The following CACNA1C variants were observed in gnomAD, a reference collection of about 807,000 sequenced individuals.
The protein encoded by CACNA1C is voltage-dependent L-type calcium channel subunit alpha-1C.
CACNA1C carries 30 observed loss-of-function variants against 229.0 expected under a neutral mutation model. The ratio of observed to expected loss-of-function variants is 0.13; its 90% CI spans 0.10 to 0.18. CACNA1C has a LOEUF of 0.18. Ranked by LOEUF, CACNA1C falls within the 10% of genes least tolerant of loss-of-function variation. The pLI is 1.00. For missense variants in CACNA1C, 1,658 were observed against 2,845.0 expected (o/e 0.58, Z 9.49); for synonymous variants, 1,114 against 1,132.5 (o/e 0.98, Z 0.33).
At position 2,666,585 on chromosome 12, in the gene CACNA1C, C is replaced by G. The variant is rs1476034825; in HGVS notation, c.4527-101C>G. On this transcript the variant is annotated intron_variant, in intron 36 of 46. Transcript: ENST00000399655. This position sits in a 1 kb window ranked among gnomAD's most constrained non-coding sequence, Gnocchi z 5.3. ...AGGGCTACCACACTGTGCAGTGTTG[C>G]CCATATGAGTGGGCCCTACCCCTCA... 1 of 680,362 alleles carries G rather than the reference C, an allele frequency of 1.5e-6. No homozygotes were observed. The highest frequency in any genetic ancestry group is 2.7e-6 in the Non-Finnish European group (1 of 376,892). 42.1% of individuals were successfully genotyped at this position (680,362 alleles called of 1,614,324 possible).
chr12:2,120,812 G>T (rs1189019766), intron 3 of CACNA1C, among the ~76,000 whole-genome samples: 1 of 152,064 alleles, frequency 6.6e-6, no homozygotes, highest in African/African-American at 2.4e-5. Context: ...GAATGTCTTT[G>T]TTCCATTGGT....
At chr12:2,412,076 T>C (rs989238610) in intron 3 of CACNA1C, among the ~76,000 whole-genome samples, 5 of 144,092 alleles carry the variant, frequency 3.5e-5, no homozygotes, top group African/African-American at 1.0e-4. Flanking sequence ...GCCCCCCCCA[T>C]GCCCACCTGC....
intron 1 of CACNA1C, among the ~76,000 whole-genome samples, chr12:2,098,908 C>T (rs753871628): frequency 2.6e-4 from 40 of 152,182 alleles, no homozygotes; most frequent in Non-Finnish European, 5.3e-4. Flanking sequence ...CTCAGTTTTA[C>T]AGATGGGGAC....
At chr12:2,172,975 A>T (rs528163522) in intron 3 of CACNA1C, among the ~76,000 whole-genome samples, 7 of 152,170 alleles carry the variant, frequency 4.6e-5, no homozygotes, top group Non-Finnish European at 1.0e-4. Context: ...TGAGTTCTGA[A>T]TGGCAGGGAC....
intron 1 of CACNA1C, among the ~76,000 whole-genome samples, chr12:2,101,267 C>A (rs1306203669): frequency 6.6e-6 from 1 of 152,152 alleles, no homozygotes; most frequent in East Asian, 1.9e-4. Context: ...AGGCGCAGAG[C>A]TTTGCCAGAC....
intron 3 of CACNA1C, among the ~76,000 whole-genome samples, chr12:2,448,597 T>G (rs2099322388): frequency 6.6e-6 from 1 of 152,112 alleles, no homozygotes; most frequent in Non-Finnish European, 1.5e-5. Flanking sequence ...TTTATCCCCT[T>G]CTCTTTTGGC....
At chr12:2,249,957 C>T (rs1212420308) in intron 3 of CACNA1C, among the ~76,000 whole-genome samples, 7 of 152,200 alleles carry the variant, frequency 4.6e-5, no homozygotes, top group East Asian at 1.9e-4. Context: ...TACAGGCGCC[C>T]GCCACCACGC....
chr12:2,436,230 T>G (rs935152828), intron 3 of CACNA1C, among the ~76,000 whole-genome samples: 1 of 152,234 alleles, frequency 6.6e-6, no homozygotes, highest in Non-Finnish European at 1.5e-5. Flanking sequence ...AGTGAGACTC[T>G]GGAAAGTTCC....
rs560042932 is a variant in CACNA1C at position 2,572,280 on chromosome 12, G to A, written c.1895+4486G>A. Among the ~76,000 whole-genome samples, 11 of 136,492 alleles carry A rather than the reference G, an allele frequency of 8.1e-5. No individual in the cohort carries two copies. In the South Asian group the frequency reaches 1.5e-3, roughly 18 times the overall value. The allele number at this position is 136,492 out of a possible 152,430, so 89.5% of individuals were successfully genotyped here. On this transcript the variant is annotated intron_variant, in intron 13 of 46. Coordinates refer to ENST00000399655, the MANE Select transcript of CACNA1C (RefSeq NM_000719.7). The stretch of plus-strand genomic sequence containing the variant: ...AAAATACTGCCCTTCATATGCAATC[G>A]GAAAACTTGATTATTATTCCTCCTC...
chr12:2,628,088 G>A (rs1299504331), intron 29 of CACNA1C, among the ~76,000 whole-genome samples: 6 of 152,250 alleles, frequency 3.9e-5, no homozygotes, highest in Admixed American at 2.0e-4. Flanking sequence ...AGTGAAAGGT[G>A]TGCGGACTTC....
intron 1 of CACNA1C, among the ~76,000 whole-genome samples, chr12:1,995,022 C>T (rs1213908877): frequency 6.6e-6 from 1 of 151,136 alleles, no homozygotes; most frequent in Non-Finnish European, 1.5e-5. Flanking sequence ...GGGAGGCATC[C>T]CATTCTTGAG....
At chr12:2,314,911 C>A (rs2095610202) in intron 3 of CACNA1C, among the ~76,000 whole-genome samples, 1 of 152,100 alleles carries the variant, frequency 6.6e-6, no homozygotes, top group Non-Finnish European at 1.5e-5. Context: ...AGTGGTTTTG[C>A]AACTGAGAAG....
rs767696608 is a variant in CACNA1C, at chr12:2,285,354, C to T, written c.478-163622C>T. ...TATGCTACACCCAGAGCTTTCCTTC[C>T]CCCTCTCCTAAAAGCCAGTTGCTAA... On this transcript the variant is annotated intron_variant, in intron 3 of 46. Coordinates refer to ENST00000399655, the MANE Select transcript of CACNA1C (RefSeq NM_000719.7). The surrounding 1 kb of genome is among the most constrained non-coding windows in gnomAD (Gnocchi z 4.2). Among the ~76,000 whole-genome samples, 2 of 152,194 alleles carry T rather than the reference C, an allele frequency of 1.3e-5. No individual in the cohort carries two copies. Among genetic ancestry groups the T allele is most frequent in the Admixed American group, 6.5e-5 (1 of 15,288 alleles).
chr12:2,545,342 G>A (rs539561079), intron 9 of CACNA1C, among the ~76,000 whole-genome samples: 11 of 150,630 alleles, frequency 7.3e-5, no homozygotes, highest in African/African-American at 2.2e-4. Context: ...TTCTCTTGTA[G>A]TTGTAAGAGG....
chr12:2,618,936 C>T (rs1473238017), intron 29 of CACNA1C, among the ~76,000 whole-genome samples: 2 of 152,228 alleles, frequency 1.3e-5, no homozygotes, highest in Admixed American at 1.3e-4. Context: ...CCACCTGCAC[C>T]GCTCACCAGG....
At chr12:2,144,456 C>G (rs1205156010) in intron 3 of CACNA1C, among the ~76,000 whole-genome samples, 1 of 151,314 alleles carries the variant, frequency 6.6e-6, no homozygotes, top group South Asian at 2.1e-4. Context: ...AATTACCTAT[C>G]GAGCACCTAT....
chr12:2,497,049 G>A (rs990043013), intron 7 of CACNA1C, among the ~76,000 whole-genome samples: 5 of 152,132 alleles, frequency 3.3e-5, no homozygotes, highest in African/African-American at 9.6e-5. Context: ...TTAGTTTCAC[G>A]TTTTGTTTTT....
chr12:2,305,121 G>A (rs992657933), intron 3 of CACNA1C, among the ~76,000 whole-genome samples: 1 of 152,140 alleles, frequency 6.6e-6, no homozygotes, highest in East Asian at 1.9e-4. Flanking sequence ...CATCTTCCCT[G>A]ATCTCCTGTC....
chr12:2,270,320 A>G (rs1316142651), intron 3 of CACNA1C, among the ~76,000 whole-genome samples: 1 of 151,948 alleles, frequency 6.6e-6, no homozygotes, highest in East Asian at 1.9e-4. Flanking sequence ...TCTCCCATAC[A>G]CCCTCCTTCT....
Sources: allele counts gnomAD v4.1 joint callset (sites outside exome capture counted in the v4.1 genomes callset), GRCh38; gene constraint gnomAD v4.1.1; non-coding constraint Gnocchi (gnomAD v3.1); transcripts MANE v1.5; gene names NCBI Gene and HGNC (gene_info 2026-07-23, HGNC 2026-07-21).